Variants in USP31 observed in about 807,000 individuals in gnomAD.
USP31 encodes the protein ubiquitin specific peptidase 31, also known as ubiquitin carboxyl-terminal hydrolase 31.
A neutral mutation model predicts 119.4 loss-of-function variants in USP31; 44 were observed. The observed-to-expected ratio is 0.37, with a 90% CI of 0.29 to 0.47. The LOEUF (loss-of-function observed/expected upper bound fraction) is 0.47, where lower values mean the gene tolerates loss of function less well. USP31 is among the 20% of genes least tolerant of loss of function. USP31 has a pLI of 0.99. For synonymous variants in USP31, 749 were observed against 705.6 expected (o/e 1.06, Z -0.97); for missense variants, 1,643 against 1,730.2 (o/e 0.95, Z 0.89).
At chr16:23,081,895 AAACT>A (rs1299911291) in intron 12 of USP31, among the ~76,000 whole-genome samples, 1 of 152,226 alleles carries the variant, frequency 6.6e-6, no homozygotes, top group Non-Finnish European at 1.5e-5. Flanking sequence ...TTTCAGATAC[AAACT>A]AAGAGCCAGG....
At position 23,084,088 on chromosome 16, in the gene USP31, A is replaced by G. The variant is rs1596694206; in HGVS notation, c.1830+772T>C. Among the ~76,000 whole-genome samples the G allele has an allele frequency of 5.3e-5, 8 of 152,368 alleles. 1 individual carries two copies. The South Asian group carries it at 1.7e-3, about 32-fold the overall frequency. ...CAACCACCAGAATAAAAGAGTTTTAAAGTCCCCTTCAATCCTGAAATTGCA... is the reference window on the plus strand; with the variant it reads ...CAACCACCAGAATAAAAGAGTTTTAGAGTCCCCTTCAATCCTGAAATTGCA... On this transcript the variant is annotated intron_variant, in intron 11 of 15. Transcript: ENST00000219689.
chr16:23,111,819 G>A (rs1053230633), intron 1 of USP31, among the ~76,000 whole-genome samples: 1 of 152,174 alleles, frequency 6.6e-6, no homozygotes, highest in Non-Finnish European at 1.5e-5. Flanking sequence ...TGAAGAAAAG[G>A]GTGATCAACA....
intron 1 of USP31, among the ~76,000 whole-genome samples, chr16:23,128,648 T>C (rs529003668): frequency 2.0e-5 from 3 of 152,322 alleles, no homozygotes; most frequent in African/African-American, 7.2e-5. Context: ...AAAGGAATGT[T>C]AGAATTATAA....
At chr16:23,101,878 A>G (rs548885779) in intron 6 of USP31, among the ~76,000 whole-genome samples, 79 of 151,844 alleles carry the variant, frequency 5.2e-4, no homozygotes, top group African/African-American at 1.4e-3. Flanking sequence ...CTGCCTATCA[A>G]TGAAGAGTTA....
intron 5 of USP31, among the ~76,000 whole-genome samples, chr16:23,103,688 A>G (rs868093013): frequency 6.6e-6 from 1 of 152,190 alleles, no homozygotes; most frequent in South Asian, 2.1e-4. Flanking sequence ...GCCAAGACAG[A>G]AGGACTGCTT....
intron 13 of USP31, among the ~76,000 whole-genome samples, chr16:23,074,670 G>C (rs1162803095): frequency 1.3e-5 from 2 of 152,194 alleles, no homozygotes; most frequent in Admixed American, 1.3e-4. Context: ...AGGCTCCATG[G>C]AAGTTCCCTG....
In USP31 at chr16:23,080,040, C is replaced by T. The variant is rs1444151512; in HGVS notation, c.2082G>A (p.Arg694=). Residue 694 remains arginine (R), a synonymous_variant, in exon 13 of 16, where the codon CGG becomes CGA. Transcript: ENST00000219689. Reference sequence around the variant, plus strand: ...CAGGGTCCCTCCCGAGTCCATAGGGCCGTCTCCACGGGGACCAATGCGATG... The same window carrying T: ...CAGGGTCCCTCCCGAGTCCATAGGGTCGTCTCCACGGGGACCAATGCGATG... ...SLPSHWSPWR[R]PYGLGRDPED... 6.2e-7 allele frequency: 1 copy of T among 1,614,132 alleles called. No homozygotes were observed.
In USP31 at chr16:23,062,931, A is replaced by G. The variant is rs1249167771; in HGVS notation, c.*5115T>C. On this transcript the variant is annotated 3_prime_UTR_variant, in exon 16 of 16. Coordinates refer to ENST00000219689, the MANE Select transcript of USP31 (RefSeq NM_020718.4). ...TCAAATGGCAGTGATTCTCGCCATAATTCTCAGTAAAGGGATGACGTATCA... is the reference window on the plus strand; with the variant it reads ...TCAAATGGCAGTGATTCTCGCCATAGTTCTCAGTAAAGGGATGACGTATCA... 3 of 152,660 alleles carry G rather than the reference A, an allele frequency of 2.0e-5. No homozygotes were observed. Among genetic ancestry groups the G allele is most frequent in the African/African-American group, 7.2e-5 (3 of 41,458 alleles). 9.5% of individuals were successfully genotyped at this position (152,660 alleles called of 1,614,324 possible). A position where few individuals can be genotyped will look rare whatever the true frequency, so the allele number is the denominator to read the frequency against.
rs9929420 is a variant in USP31, at chr16:23,062,210, C to G, written c.*5836G>C. On this transcript the variant is annotated 3_prime_UTR_variant, in exon 16 of 16. Transcript: ENST00000219689. ...ACAGAATGAAACCATCAGATTACTTCGAAGGTGTTGTAGTGCATTCAGCTC... is the reference window on the plus strand; with the variant it reads ...ACAGAATGAAACCATCAGATTACTTGGAAGGTGTTGTAGTGCATTCAGCTC... The G allele has an allele frequency of 0.27, 41,601 of 152,208 alleles. 6,119 individuals are homozygous for G. Among genetic ancestry groups the G allele is most frequent in the Admixed American group, 0.35 (5,308 of 15,270 alleles). The allele number at this position is 152,208 out of a possible 1,614,324, so 9.4% of individuals were successfully genotyped here.
intron 14 of USP31, among the ~76,000 whole-genome samples, chr16:23,073,073 C>T (rs1400112227): frequency 6.6e-6 from 1 of 152,102 alleles, no homozygotes; most frequent in Admixed American, 6.5e-5. Flanking sequence ...CATTCAGAAA[C>T]GTGTGTCCAC....
In USP31 at chr16:23,148,925, G is replaced by T; in HGVS notation, c.346C>A (p.Pro116Thr). The T allele has an allele frequency of 2.4e-6, 3 of 1,242,162 alleles. No individual in the cohort carries two copies. Among genetic ancestry groups the T allele is most frequent in the Non-Finnish European group, 3.0e-6 (3 of 988,052 alleles). 76.9% of individuals were successfully genotyped at this position (1,242,162 alleles called of 1,614,324 possible). A position where few individuals can be genotyped will look rare whatever the true frequency, so the allele number is the denominator to read the frequency against. Residue 116 changes from proline to threonine, a missense_variant, in exon 1 of 16, where the codon CCG (proline) becomes ACG (threonine). Around this residue, in one of 5 missense-constraint regions of USP31, gnomAD observed 302 missense variants for 262.6 expected, o/e 1.15. Coordinates refer to ENST00000219689, the MANE Select transcript of USP31 (RefSeq NM_020718.4). ...ACCGGCTCGGCGGCGCAAGCGGGCG[G>T]CGCGGGAGAGGCGGGCGGCGGCGGG... ...PCPPPPASPA[P>T]PACAAEPVPG...
intron 1 of USP31, among the ~76,000 whole-genome samples, chr16:23,138,715 C>T (rs1903264752): frequency 1.3e-5 from 2 of 152,124 alleles, no homozygotes; most frequent in African/African-American, 4.8e-5. Context: ...GTTTGAGGTT[C>T]CAAACCCTTG....
At chr16:23,076,525 A>G (rs1300694363) in intron 13 of USP31, among the ~76,000 whole-genome samples, 8 of 152,168 alleles carry the variant, frequency 5.3e-5, no homozygotes, top group Admixed American at 3.3e-4. Flanking sequence ...TGGTAGCCAA[A>G]TTAGTGAACA....
At chr16:23,147,973 A>G (rs1903573445) in intron 1 of USP31, among the ~76,000 whole-genome samples, 1 of 152,178 alleles carries the variant, frequency 6.6e-6, no homozygotes, top group African/African-American at 2.4e-5. Context: ...CAGCACATCA[A>G]TCACAGCAGC....
At chr16:23,110,798 G>C (rs1221155168) in intron 1 of USP31, among the ~76,000 whole-genome samples, 1 of 152,086 alleles carries the variant, frequency 6.6e-6, no homozygotes, top group African/African-American at 2.4e-5. Context: ...GATATAACCA[G>C]CACTCAAATT....
chr16:23,072,439 T>G, intron 14 of USP31: 1 of 609,092 alleles, frequency 1.6e-6, no homozygotes, highest in South Asian at 1.9e-5. Flanking sequence ...AATGCAAGGA[T>G]AGGGATGAAT....
chr16:23,134,105 A>T (rs1455813464), intron 1 of USP31, among the ~76,000 whole-genome samples: 2 of 151,780 alleles, frequency 1.3e-5, no homozygotes, highest in South Asian at 2.1e-4. Flanking sequence ...ACACACACAC[A>T]CACACACACA....
chr16:23,139,953 C>G (rs1199744981), intron 1 of USP31, among the ~76,000 whole-genome samples: 2 of 152,148 alleles, frequency 1.3e-5, no homozygotes, highest in South Asian at 2.1e-4. Context: ...TTGTAGTTTT[C>G]TTAATAATGT....
intron 5 of USP31, among the ~76,000 whole-genome samples, chr16:23,103,740 C>T (rs1293855290): frequency 6.6e-6 from 1 of 152,134 alleles, no homozygotes; most frequent in African/African-American, 2.4e-5. Flanking sequence ...CATGCCAAAA[C>T]CTCGTCTCTA....
Sources: gnomAD v4.1 joint callset for allele counts (sites outside exome capture counted in the v4.1 genomes callset) on GRCh38, gnomAD v4.1.1 for gene constraint, gnomAD v4.1.1 regional missense constraint, MANE v1.5 for transcripts, NCBI Gene and HGNC (gene_info 2026-07-23, HGNC 2026-07-21) for gene names.